Variants in UFC1 observed in about 807,000 individuals in gnomAD.
The protein encoded by UFC1 is ubiquitin-fold modifier conjugating enzyme 1.
A neutral mutation model predicts 28.0 loss-of-function variants in UFC1; 22 were observed. The observed-to-expected ratio is 0.78, with a 90% CI of 0.56 to 1.12. The LOEUF (loss-of-function observed/expected upper bound fraction) is 1.12, where lower values mean the gene tolerates loss of function less well. Ranked by LOEUF, UFC1 falls within the 50% of genes most tolerant of loss-of-function variation. The probability of loss-of-function intolerance (pLI) is 0.00; values close to 1 mark genes in which losing one functional copy is unlikely to be tolerated. For missense variants in UFC1, 189 were observed against 207.8 expected (o/e 0.91, Z 0.56); for synonymous variants, 61 against 74.5 (o/e 0.82, Z 0.93).
At chr1:161,154,508 C>T (rs1007548212) in intron 1 of UFC1, among the ~76,000 whole-genome samples, 1 of 151,956 alleles carries the variant, frequency 6.6e-6, no homozygotes, top group African/African-American at 2.4e-5. Flanking sequence ...GTTTGTTTGA[C>T]GGAGTCTCGC....
intron 4 of UFC1, chr1:161,157,916 A>G: frequency 1.6e-6 from 1 of 640,756 alleles, no homozygotes. Flanking sequence ...AAAAAAAAAA[A>G]AAGGAAGAAC....
In UFC1 at chr1:161,156,989, C is replaced by A; in HGVS notation, c.163C>A (p.Arg55=). 1.9e-6 allele frequency: 3 copies of A among 1,614,180 alleles called. No individual in the cohort carries two copies. Among genetic ancestry groups the A allele is most frequent in the Non-Finnish European group, 8.5e-7 (1 of 1,180,022 alleles). The part of the protein sequence containing the change: ...NNKNADNDWF[R]LESNKEGTRW... ...CAAGAATGCTGACAACGATTGGTTCCGACTGGAGTCCAACAAGGAAGGAAC... is the reference window on the plus strand; with the variant it reads ...CAAGAATGCTGACAACGATTGGTTCAGACTGGAGTCCAACAAGGAAGGAAC... Residue 55 remains arginine (R), a synonymous_variant, in exon 2 of 6, where the codon CGA becomes AGA. Transcript: ENST00000368003.
chr1:161,157,604 A>G lies in UFC1; in HGVS notation c.256-13A>G, dbSNP rs766221457. ...CCTGATTCTGTTTTATTAAGGTTTT[A>G]TAATTTCTCCAGATTCCTATCACAT... On this transcript the variant is annotated splice_polypyrimidine_tract_variant and intron_variant, in intron 3 of 5. Transcript: ENST00000368003. 7 of 1,610,664 alleles carry G rather than the reference A, an allele frequency of 4.3e-6. No homozygotes were observed. Among genetic ancestry groups the G allele is most frequent in the Non-Finnish European group, 1.7e-6 (2 of 1,177,048 alleles).
chr1:161,158,375 C>G (rs771825442), intron 5 of UFC1, 37 bp from the exon 6 acceptor site: 10 of 1,612,024 alleles, frequency 6.2e-6, no homozygotes, highest in East Asian at 4.5e-5. Context: ...GAAGCATTGA[C>G]TGGTAGTAAT....
intron 1 of UFC1, among the ~76,000 whole-genome samples, chr1:161,155,335 T>C (rs555451946): frequency 1.3e-5 from 2 of 152,340 alleles, no homozygotes; most frequent in South Asian, 2.1e-4. Context: ...GCATAGAATC[T>C]AGAAACGGCA....
Position 161,157,712 on chromosome 1 carries a change from T to C in UFC1, c.332+19T>C, listed in dbSNP as rs1415126218. On this transcript the variant is annotated intron_variant, in intron 4 of 5. Transcript: ENST00000368003. ...TGTACAGGTAGGACTGAATAGGAGATGGCAAAGAGTCAAAGAAAGCCTTAA... is the reference window on the plus strand; with the variant it reads ...TGTACAGGTAGGACTGAATAGGAGACGGCAAAGAGTCAAAGAAAGCCTTAA... 8 of 1,607,970 alleles carry C rather than the reference T, an allele frequency of 5.0e-6. No homozygotes were observed. In the South Asian group the frequency reaches 7.7e-5, roughly 15 times the overall value.
chr1:161,156,366 TA>T (rs879622245), intron 1 of UFC1, among the ~76,000 whole-genome samples: 569 of 134,990 alleles, frequency 4.2e-3, no homozygotes, highest in Middle Eastern at 7.9e-3. Context: ...CCATCTCTAC[TA>T]AAAAAAAAAA....
intron 4 of UFC1, 199 bp from the exon 5 acceptor site, chr1:161,157,919 GGAA>G (rs1026325965): frequency 3.7e-5 from 23 of 626,826 alleles, no homozygotes; most frequent in Middle Eastern, 3.7e-4. Context: ...AAAAAAAAAA[GGAA>G]GAACTTTGGA....
Position 161,154,021 on chromosome 1 carries a change from T to C in UFC1, c.24T>C (p.Arg8=). Residue 8 remains arginine, a synonymous_variant, in exon 1 of 6, where the codon CGT becomes CGC. Coordinates refer to ENST00000368003, the MANE Select transcript of UFC1 (RefSeq NM_016406.4). MADEATR[R]VVSEIPVLKT... The stretch of plus-strand genomic sequence containing the variant: ...AGATGGCGGATGAAGCCACGCGACG[T>C]GTTGTGTCTGAGATCCCGGTGCTGA... The C allele has an allele frequency of 6.2e-7, 1 of 1,613,962 alleles. No homozygotes were observed. Among genetic ancestry groups the C allele is most frequent in the South Asian group, 1.1e-5 (1 of 91,056 alleles).
chr1:161,157,789 G>C (rs1657577585), intron 4 of UFC1, 96 bp downstream of exon 4: 1 of 1,037,258 alleles, frequency 9.6e-7, no homozygotes, highest in East Asian at 2.6e-5. Context: ...GCTAATGGAT[G>C]CTTGGCTTGA....
Position 161,157,991 on chromosome 1 carries a change from G to A in UFC1, c.333-130G>A, listed in dbSNP as rs117532994. 1,535 of 817,478 alleles carry A rather than the reference G, an allele frequency of 1.9e-3. 19 individuals are homozygous for A. The Admixed American group carries it at 0.02, about 11-fold the overall frequency. The allele number at this position is 817,478 out of a possible 1,614,324, so 50.6% of individuals were successfully genotyped here. A position where few individuals can be genotyped will look rare whatever the true frequency, so the allele number is the denominator to read the frequency against. ...GGGGTGCCAGGCCCTCCTTTGCTGA[G>A]CCTAAGCAAAGTACTTAGCTGAACT... On this transcript the variant is annotated intron_variant, in intron 4 of 5. Transcript: ENST00000368003.
intron 1 of UFC1, among the ~76,000 whole-genome samples, chr1:161,154,914 G>A (rs1295218154): frequency 6.6e-6 from 1 of 152,168 alleles, no homozygotes; most frequent in Non-Finnish European, 1.5e-5. Flanking sequence ...ACTGTGGAAG[G>A]TGAGAAAAGT....
intron 5 of UFC1, 46 bp from the exon 6 acceptor site, chr1:161,158,366 A>G (rs1657613487): frequency 6.2e-7 from 1 of 1,610,428 alleles, no homozygotes; most frequent in Admixed American, 1.7e-5. Context: ...ATGGAACAAG[A>G]AGCATTGACT....
intron 1 of UFC1, among the ~76,000 whole-genome samples, chr1:161,155,911 G>C (rs1249585272): frequency 6.6e-6 from 1 of 152,154 alleles, no homozygotes; most frequent in Non-Finnish European, 1.5e-5. Flanking sequence ...ACATACAGTT[G>C]GATACTAAAG....
chr1:161,156,536 C>CAA (rs754220776), intron 1 of UFC1, among the ~76,000 whole-genome samples: 862 of 49,572 alleles, frequency 0.017, 35 homozygotes, highest in African/African-American at 0.058. Context: ...GAGACTGTCT[C>CAA]AAAAAAAAAA....
chr1:161,157,543 A>C lies in UFC1; in HGVS notation c.256-74A>C, dbSNP rs1014100721. ...TACTTAACATTTCAGTTTAACCAAGAAATATGTATGTCTGATTATATTAGT... is the reference window on the plus strand; with the variant it reads ...TACTTAACATTTCAGTTTAACCAAGCAATATGTATGTCTGATTATATTAGT... On this transcript the variant is annotated intron_variant, in intron 3 of 5. Coordinates refer to ENST00000368003, the MANE Select transcript of UFC1 (RefSeq NM_016406.4). 8.2e-6 allele frequency: 12 copies of C among 1,469,196 alleles called. No homozygotes were observed. In the African/African-American group the frequency reaches 1.7e-4, roughly 21 times the overall value. The allele number at this position is 1,469,196 out of a possible 1,614,324, so 91.0% of individuals were successfully genotyped here. A position where few individuals can be genotyped will look rare whatever the true frequency, so the allele number is the denominator to read the frequency against.
chr1:161,154,154 T>A (rs759146535), intron 1 of UFC1, 34 bp downstream of exon 1: 19 of 1,612,914 alleles, frequency 1.2e-5, no homozygotes, highest in South Asian at 1.1e-5. Context: ...ACGCGTAGCA[T>A]AAGGGTTGGG....
At chr1:161,158,043 CT>C in intron 4 of UFC1, 77 bp from the exon 5 acceptor site, 1 of 1,275,412 alleles carries the variant, frequency 7.8e-7, no homozygotes, top group Non-Finnish European at 1.1e-6. Flanking sequence ...CACTAGTAGT[CT>C]TCCTATGCCC....
At position 161,157,709 on chromosome 1, in the gene UFC1, A is replaced by G. The variant is rs374577122; in HGVS notation, c.332+16A>G. ...AGATGTACAGGTAGGACTGAATAGG[A>G]GATGGCAAAGAGTCAAAGAAAGCCT... is the stretch of plus-strand genomic sequence containing the variant. On this transcript the variant is annotated intron_variant, in intron 4 of 5. Coordinates refer to ENST00000368003, the MANE Select transcript of UFC1 (RefSeq NM_016406.4). 60 of 1,609,618 alleles carry G rather than the reference A, an allele frequency of 3.7e-5. No homozygotes were observed. In the African/African-American group the frequency reaches 7.3e-4, roughly 20 times the overall value.
Sources: allele counts gnomAD v4.1 joint callset (sites outside exome capture counted in the v4.1 genomes callset), GRCh38; gene constraint gnomAD v4.1.1; transcripts MANE v1.5; gene names NCBI Gene and HGNC (gene_info 2026-07-23, HGNC 2026-07-21).